TBL1XR1: variants seen among roughly 807,000 people sequenced by gnomAD.
The protein encoded by TBL1XR1 is TBL1X/Y related 1, also known as F-box-like/WD repeat-containing protein TBL1XR1.
TBL1XR1 carries 5 observed loss-of-function variants against 66.9 expected under a neutral mutation model. The observed-to-expected ratio is 0.07, with a 90% CI of 0.04 to 0.16. The LOEUF (loss-of-function observed/expected upper bound fraction) is 0.16. Ranked by LOEUF, TBL1XR1 falls within the 10% of genes least tolerant of loss-of-function variation. The pLI is 1.00. For missense variants in TBL1XR1, 238 were observed against 623.2 expected, an observed-to-expected ratio of 0.38 and a Z score of 6.58; for synonymous variants, 210 against 206.0, an observed-to-expected ratio of 1.02 and a Z score of -0.17.
At chr3:177,057,113 C>T (rs1389239146) in intron 3 of TBL1XR1, among the ~76,000 whole-genome samples, 1 of 152,156 alleles carries the variant, frequency 6.6e-6, no homozygotes, top group African/African-American at 2.4e-5. Flanking sequence ...ACTACACACC[C>T]CGTCTCACTC....
chr3:177,123,029 CAT>C (rs758049214), intron 1 of TBL1XR1, among the ~76,000 whole-genome samples: 13 of 152,202 alleles, frequency 8.5e-5, no homozygotes, highest in South Asian at 6.2e-4. Context: ...GTGTCGCACA[CAT>C]GTGTCTTGTA....
intron 1 of TBL1XR1, among the ~76,000 whole-genome samples, chr3:177,167,976 A>G (rs1392918812): frequency 6.6e-6 from 1 of 152,164 alleles, no homozygotes; most frequent in Non-Finnish European, 1.5e-5. Flanking sequence ...TTGTTATAGG[A>G]CAAAAACTCC....
rs751192056 is a variant in TBL1XR1, at chr3:177,020,781, CCT to C, written c.*4715_*4716del. The C allele has an allele frequency of 1.3e-5, 2 of 152,060 alleles. No individual in the cohort carries two copies. The highest frequency in any genetic ancestry group is 2.4e-5 in the African/African-American group (1 of 41,396). 9.4% of individuals were successfully genotyped at this position (152,060 alleles called of 1,614,324 possible). A position where few individuals can be genotyped will look rare whatever the true frequency, so the allele number is the denominator to read the frequency against. ...ATATCAAAATATATTTTATTCTGGA[CCT>C]CTTTCAGATCTGATTCAAATTACAG... On this transcript the variant is annotated 3_prime_UTR_variant, in exon 16 of 16. Coordinates refer to ENST00000457928, the MANE Select transcript of TBL1XR1 (RefSeq NM_024665.7).
In TBL1XR1 at chr3:177,046,194, G is replaced by T. The variant is rs1221661271; in HGVS notation, c.865-5C>A. 6.5e-7 allele frequency: 1 copy of T among 1,532,696 alleles called. No individual in the cohort carries two copies. The highest frequency in any genetic ancestry group is 1.3e-5 in the South Asian group (1 of 78,930). The allele number at this position is 1,532,696 out of a possible 1,614,324, so 94.9% of individuals were successfully genotyped here. On this transcript the variant is annotated splice_polypyrimidine_tract_variant and splice_region_variant and intron_variant, in intron 9 of 15. Coordinates refer to ENST00000457928, the MANE Select transcript of TBL1XR1 (RefSeq NM_024665.7). ...TGCGTCCCAAATAATTGTAGTCTGA[G>T]ATTAAAAGGAAAAGAAAAATAAACT...
intron 1 of TBL1XR1, among the ~76,000 whole-genome samples, chr3:177,158,218 TTG>T (rs1275572606): frequency 2.4e-5 from 3 of 124,424 alleles, no homozygotes; most frequent in African/African-American, 8.2e-5. Context: ...AATATAGGAT[TTG>T]TTTCTTTTCT....
At position 177,131,306 on chromosome 3, in the gene TBL1XR1, A is replaced by G. The variant is rs569331530; in HGVS notation, c.-121-32765T>C. On this transcript the variant is annotated intron_variant, in intron 1 of 15. Transcript: ENST00000457928. ...ATTTGCCTAATCATAAAGACCCTTA[A>G]GAGAGAGTCCAGGAAAAATAAAGAA... 2.0e-5 allele frequency: 20 copies of G among 983,198 alleles called. No individual in the cohort carries two copies. In the South Asian group the frequency reaches 4.2e-4, roughly 21 times the overall value. The allele number at this position is 983,198 out of a possible 1,614,324, so 60.9% of individuals were successfully genotyped here. A position where few individuals can be genotyped will look rare whatever the true frequency, so the allele number is the denominator to read the frequency against.
At chr3:177,043,047 G>T (rs1424386629) in intron 10 of TBL1XR1, among the ~76,000 whole-genome samples, 5 of 151,934 alleles carry the variant, frequency 3.3e-5, no homozygotes, top group Admixed American at 6.6e-5. Context: ...ACTTAATTTT[G>T]ATTTCTCCTT....
At chr3:177,031,442 T>C (rs1016882859) in intron 14 of TBL1XR1, among the ~76,000 whole-genome samples, 4 of 151,410 alleles carry the variant, frequency 2.6e-5, no homozygotes, top group African/African-American at 9.7e-5. Flanking sequence ...CAAGCAATTC[T>C]CCTGCCTCAG....
intron 1 of TBL1XR1, among the ~76,000 whole-genome samples, chr3:177,158,960 A>C (rs570309314): frequency 7.2e-5 from 11 of 152,310 alleles, no homozygotes; most frequent in African/African-American, 2.6e-4. Context: ...CCCACCTCCA[A>C]AACTAAGCTA....
At chr3:177,153,346 G>A (rs1001772910) in intron 1 of TBL1XR1, among the ~76,000 whole-genome samples, 1 of 152,046 alleles carries the variant, frequency 6.6e-6, no homozygotes, top group African/African-American at 2.4e-5. Flanking sequence ...GGAAAACCTC[G>A]ATCTTCCCAA....
intron 2 of TBL1XR1, among the ~76,000 whole-genome samples, chr3:177,088,993 T>C (rs763513084): frequency 7.2e-5 from 11 of 152,188 alleles, no homozygotes; most frequent in Non-Finnish European, 1.0e-4. Flanking sequence ...GTAATAATCA[T>C]TGACTCCTCG....
Position 177,021,628 on chromosome 3 carries a change from C to CCCT in TBL1XR1, c.*3867_*3869dup, listed in dbSNP as rs1338315824. The CCCT allele has an allele frequency of 6.6e-6, 1 of 152,526 alleles. No individual in the cohort carries two copies. The highest frequency in any genetic ancestry group is 1.5e-5 in the Non-Finnish European group (1 of 67,984). 9.4% of individuals were successfully genotyped at this position (152,526 alleles called of 1,614,324 possible). ...GAAGGAGTAATTCATAACTTCCCTA[C>CCCT]CCTCCTTCCATCCCTGCTGATTCAG... On this transcript the variant is annotated 3_prime_UTR_variant, in exon 16 of 16. Transcript: ENST00000457928.
chr3:177,200,501 A>G (rs1169559671), upstream of TBL1XR1, among the ~76,000 whole-genome samples: 2 of 152,162 alleles, frequency 1.3e-5, no homozygotes, highest in African/African-American at 4.8e-5. Flanking sequence ...AGCTGTCCCA[A>G]CATATCCAGC....
At chr3:177,180,936 T>C (rs1432249996) in intron 1 of TBL1XR1, among the ~76,000 whole-genome samples, 1 of 152,020 alleles carries the variant, frequency 6.6e-6, no homozygotes, top group African/African-American at 2.4e-5. Flanking sequence ...TTTCACCATG[T>C]TGGTCAGGCT....
chr3:177,162,364 G>C (rs1360292695), intron 1 of TBL1XR1, among the ~76,000 whole-genome samples: 1 of 152,202 alleles, frequency 6.6e-6, no homozygotes, highest in East Asian at 1.9e-4. Context: ...GAATGGACAA[G>C]GGAGCCTGCC....
intron 2 of TBL1XR1, among the ~76,000 whole-genome samples, chr3:177,071,808 GAGA>G (rs1720052606): frequency 6.6e-6 from 1 of 152,192 alleles, no homozygotes; most frequent in African/African-American, 2.4e-5. Context: ...ACATAAATTG[GAGA>G]AGGCTTCCAA....
intron 1 of TBL1XR1, among the ~76,000 whole-genome samples, chr3:177,109,893 C>T (rs1482462634): frequency 1.3e-5 from 2 of 151,932 alleles, no homozygotes; most frequent in African/African-American, 4.8e-5. Context: ...CCTGTATGCT[C>T]GATGTTCTGT....
intron 4 of TBL1XR1, among the ~76,000 whole-genome samples, chr3:177,052,520 C>CT (rs1439255517): frequency 5.9e-5 from 9 of 152,156 alleles, no homozygotes; most frequent in African/African-American, 2.2e-4. Flanking sequence ...AGTATTTTAA[C>CT]TTATAAATAA....
chr3:177,044,596 G>A (rs754674418), intron 10 of TBL1XR1, among the ~76,000 whole-genome samples: 7 of 151,984 alleles, frequency 4.6e-5, no homozygotes, highest in Non-Finnish European at 8.8e-5. Flanking sequence ...TAGTTTCAAT[G>A]GTGTATACAT....
Sources: allele counts gnomAD v4.1 joint callset (sites outside exome capture counted in the v4.1 genomes callset), GRCh38; gene constraint gnomAD v4.1.1; transcripts MANE v1.5; gene names NCBI Gene and HGNC (gene_info 2026-07-23, HGNC 2026-07-21).